Variants in SMPDL3B observed in about 807,000 individuals in gnomAD.
The protein encoded by SMPDL3B is sphingomyelin phosphodiesterase acid like 3B.
SMPDL3B carries 31 observed loss-of-function variants against 37.9 expected under a neutral mutation model. The observed-to-expected ratio is 0.82, with a 90% confidence interval of 0.61 to 1.10. The LOEUF is 1.10. SMPDL3B is among the 50% of genes least tolerant of loss of function. The pLI is 0.00. For missense variants in SMPDL3B, 525 were observed against 597.8 expected (o/e 0.88, Z 1.27); for synonymous variants, 235 against 242.6 (o/e 0.97, Z 0.29).
In SMPDL3B at chr1:27,955,701, C is replaced by A. The variant is rs752394375; in HGVS notation, c.708C>A (p.His236Gln). ...CCTTGTAGGTGTACATTGTCGGCCA[C>A]GTGCCCCCGGGGTTCTTTGAGAAGA... The part of the protein sequence containing the change: ...KAGDMVYIVG[H>Q]VPPGFFEKTQ... The change falls in exon 6 of 8, where the codon CAC (histidine) becomes CAA (glutamine). Residue 236 changes from histidine to glutamine, a missense_variant. Physicochemically the swap from His to Gln is conservative, Grantham distance 24. Transcript: ENST00000373894. 1 of 1,613,592 alleles carries A rather than the reference C, an allele frequency of 6.2e-7. No homozygotes were observed. Among genetic ancestry groups the A allele is most frequent in the South Asian group, 1.1e-5 (1 of 91,058 alleles).
At chr1:27,947,022 C>G (rs1454665948) in intron 2 of SMPDL3B, among the ~76,000 whole-genome samples, 1 of 149,448 alleles carries the variant, frequency 6.7e-6, no homozygotes, top group African/African-American at 2.5e-5. Context: ...AATTCATGAT[C>G]CTTTAACAGA....
intron 3 of SMPDL3B, among the ~76,000 whole-genome samples, chr1:27,951,167 A>G (rs756474604): frequency 3.9e-5 from 6 of 152,176 alleles, no homozygotes; most frequent in Non-Finnish European, 5.9e-5. Flanking sequence ...ATTGACTGAA[A>G]GATGCATCAT....
chr1:27,948,890 A>C (rs1181968085), intron 2 of SMPDL3B, 175 bp from the exon 3 acceptor site: 2 of 1,247,176 alleles, frequency 1.6e-6, no homozygotes, highest in Non-Finnish European at 2.3e-6. Context: ...AAAATGGCAA[A>C]GCCTAGTTCT....
chr1:27,953,560 C>T (rs1026198300), intron 4 of SMPDL3B, among the ~76,000 whole-genome samples: 2 of 152,222 alleles, frequency 1.3e-5, no homozygotes, highest in African/African-American at 4.8e-5. Flanking sequence ...AACCCCACGA[C>T]ACTGATGATG....
At chr1:27,955,424 C>T (rs900006360) in intron 5 of SMPDL3B, among the ~76,000 whole-genome samples, 2 of 152,130 alleles carry the variant, frequency 1.3e-5, no homozygotes, top group African/African-American at 4.8e-5. Context: ...GGGAGGTGCT[C>T]TTTGAAGTGT....
At chr1:27,936,752 C>G (rs2090311227) in intron 1 of SMPDL3B, 3 of 152,210 alleles carry the variant, frequency 2.0e-5, no homozygotes, top group African/African-American at 7.2e-5. Flanking sequence ...GATGCGGTGG[C>G]TCACGCCTGT....
In SMPDL3B at chr1:27,955,861, G is replaced by A. The variant is rs1179491481; in HGVS notation, c.868G>A (p.Ala290Thr). The A allele has an allele frequency of 1.4e-5, 22 of 1,612,914 alleles. No homozygotes were observed. Among genetic ancestry groups the A allele is most frequent in the Non-Finnish European group, 1.8e-5 (21 of 1,179,086 alleles). Residue 290 changes from alanine (A) to threonine (T), a missense_variant, in exon 6 of 8, where the codon GCA (alanine) becomes ACA (threonine). By Grantham distance (58) the Ala-to-Thr change is moderately conservative. Coordinates refer to ENST00000373894, the MANE Select transcript of SMPDL3B (RefSeq NM_014474.4). ...CAGCTTTCGGATGCTCTATGATGAT[G>A]CAGGTATTCAACCTGGAGGGCAACT... is the stretch of plus-strand genomic sequence containing the variant. Reference protein sequence around the residue: ...TDSFRMLYDDAGVPISAMFIT... With the variant: ...TDSFRMLYDDTGVPISAMFIT...
chr1:27,954,864 C>T (rs1282277528), intron 5 of SMPDL3B, among the ~76,000 whole-genome samples: 2 of 152,226 alleles, frequency 1.3e-5, no homozygotes, highest in Non-Finnish European at 2.9e-5. Context: ...TGTGCCAGAT[C>T]TCCAGGGGAT....
chr1:27,956,096 C>G lies in SMPDL3B; in HGVS notation c.1005+14C>G. 6.2e-7 allele frequency: 1 copy of G among 1,614,112 alleles called. No individual in the cohort carries two copies. The highest frequency in any genetic ancestry group is 8.5e-7 in the Non-Finnish European group (1 of 1,180,018). On this transcript the variant is annotated intron_variant, in intron 7 of 7. Transcript: ENST00000373894. ...CTGAGCCTGAAGGTCAGGAGTCCTG[C>G]GGAGGCCAGAGGAGGAGGGTGGGAG... is the stretch of plus-strand genomic sequence containing the variant.
chr1:27,942,827 C>A (rs1190901254), intron 1 of SMPDL3B, among the ~76,000 whole-genome samples: 1 of 152,134 alleles, frequency 6.6e-6, no homozygotes, highest in African/African-American at 2.4e-5. Context: ...CTGTGCCTGG[C>A]TGAATTTTAT....
At chr1:27,957,731 CT>C (rs754485354) in intron 7 of SMPDL3B, among the ~76,000 whole-genome samples, 6 of 152,178 alleles carry the variant, frequency 3.9e-5, no homozygotes, top group Non-Finnish European at 7.3e-5. Context: ...CCATCACCCC[CT>C]AACAGGCCCT....
At position 27,945,312 on chromosome 1, in the gene SMPDL3B, G is replaced by C; in HGVS notation, c.142G>C (p.Ala48Pro). Residue 48 changes from alanine (A) to proline (P), a missense_variant, in exon 2 of 8, where the codon GCT becomes CCT. Transcript: ENST00000373894. This position sits in a 1 kb window ranked among gnomAD's most constrained non-coding sequence, Gnocchi z 4.0. ...AGACCCCTTCCAGGTGTGCCCATCA[G>C]CTGGATCCCAGCCAGTGCCCGACGC... ...SKDPFQVCPSAGSQPVPDAGP... is the reference protein window; with the variant it reads ...SKDPFQVCPSPGSQPVPDAGP... 1 of 1,614,178 alleles carries C rather than the reference G, an allele frequency of 6.2e-7. No individual in the cohort carries two copies. The highest frequency in any genetic ancestry group is 8.5e-7 in the Non-Finnish European group (1 of 1,180,034).
chr1:27,957,202 G>A (rs571877187), intron 7 of SMPDL3B, among the ~76,000 whole-genome samples: 7 of 152,278 alleles, frequency 4.6e-5, no homozygotes, highest in African/African-American at 1.4e-4. Flanking sequence ...CAGTGAGGCC[G>A]TTTGGAGGGA....
Position 27,954,316 on chromosome 1 carries a change from G to T in SMPDL3B, c.518-38G>T, listed in dbSNP as rs750082673. The T allele has an allele frequency of 4.4e-6, 7 of 1,589,394 alleles. No individual in the cohort carries two copies. In the African/African-American group the frequency reaches 9.4e-5, roughly 21 times the overall value. ...AGGGGCGGAAGCCTGTCTGGCCAGAGGTGGGGGCCTCCTTCATATTGTCCC... is the reference window on the plus strand; with the variant it reads ...AGGGGCGGAAGCCTGTCTGGCCAGATGTGGGGGCCTCCTTCATATTGTCCC... On this transcript the variant is annotated intron_variant, in intron 4 of 7. Coordinates refer to ENST00000373894, the MANE Select transcript of SMPDL3B (RefSeq NM_014474.4).
At chr1:27,948,132 C>A (rs964157375) in intron 2 of SMPDL3B, among the ~76,000 whole-genome samples, 1 of 152,074 alleles carries the variant, frequency 6.6e-6, no homozygotes, top group African/African-American at 2.4e-5. Flanking sequence ...CACTTAGGTA[C>A]AATTTTTCCC....
intron 1 of SMPDL3B, among the ~76,000 whole-genome samples, chr1:27,935,576 C>G (rs540483244): frequency 6.6e-6 from 1 of 152,214 alleles, no homozygotes; most frequent in South Asian, 2.1e-4. Context: ...ATACGTTATT[C>G]TAGGAGCCAG....
chr1:27,935,171 G>A lies in SMPDL3B; in HGVS notation c.-13G>A, dbSNP rs145465203. 5.6e-6 allele frequency: 9 copies of A among 1,612,166 alleles called. No individual in the cohort carries two copies. The South Asian group carries it at 8.8e-5, about 16-fold the overall frequency. ...CTGAGAATCCCACGGCTCTGGGGAA[G>A]TGAGCCCCGAGGATGAGGCTGCTCG... On this transcript the variant is annotated 5_prime_UTR_variant, in exon 1 of 8. The change creates a new upstream start codon in the 5' untranslated region. Transcript: ENST00000373894.
intron 1 of SMPDL3B, among the ~76,000 whole-genome samples, chr1:27,943,311 C>T (rs1333311364): frequency 6.6e-6 from 1 of 152,176 alleles, no homozygotes; most frequent in East Asian, 1.9e-4. Context: ...CAGCCATTTA[C>T]ACTTTAGTAT....
In SMPDL3B at chr1:27,945,877, C is replaced by T. The variant is rs1030410158; in HGVS notation, c.275+432C>T. ...GGGGTCCTAGTGTCCTGGCCAGCTGCTGGCCACCCCTGGGCTGCCCAGTGG... is the reference window on the plus strand; with the variant it reads ...GGGGTCCTAGTGTCCTGGCCAGCTGTTGGCCACCCCTGGGCTGCCCAGTGG... On this transcript the variant is annotated intron_variant, in intron 2 of 7. Coordinates refer to ENST00000373894, the MANE Select transcript of SMPDL3B (RefSeq NM_014474.4). The surrounding 1 kb of genome is among the most constrained non-coding windows in gnomAD (Gnocchi z 4.0). Among the ~76,000 whole-genome samples, 1 of 152,174 alleles carries T rather than the reference C, an allele frequency of 6.6e-6. No individual in the cohort carries two copies. Among genetic ancestry groups the T allele is most frequent in the African/African-American group, 2.4e-5 (1 of 41,434 alleles).
Sources: allele counts gnomAD v4.1 joint callset (sites outside exome capture counted in the v4.1 genomes callset), GRCh38; gene constraint gnomAD v4.1.1; non-coding constraint Gnocchi (gnomAD v3.1); transcripts MANE v1.5; gene names NCBI Gene and HGNC (gene_info 2026-07-23, HGNC 2026-07-21).